NOS1AP: variants seen among roughly 807,000 people sequenced by gnomAD.
NOS1AP encodes carboxyl-terminal PDZ ligand of neuronal nitric oxide synthase protein.
In NOS1AP, 21 loss-of-function variants were observed where a neutral mutation model predicts 56.2. The ratio of observed to expected loss-of-function variants is 0.37; its 90% CI spans 0.26 to 0.54. NOS1AP has a LOEUF of 0.54. NOS1AP is among the 20% of genes least tolerant of loss of function. NOS1AP has a pLI of 0.84. For missense variants in NOS1AP, 522 were observed against 657.8 expected, an observed-to-expected ratio of 0.79 and a Z score of 2.26; for synonymous variants, 270 against 274.6, an observed-to-expected ratio of 0.98 and a Z score of 0.17.
intron 2 of NOS1AP, among the ~76,000 whole-genome samples, chr1:162,206,209 C>T (rs772286921): frequency 6.6e-6 from 1 of 151,790 alleles, no homozygotes; most frequent in Non-Finnish European, 1.5e-5. Flanking sequence ...CTCCAGGGAG[C>T]TCTGGAAAGG....
chr1:162,115,815 G>A (rs1647925022), intron 1 of NOS1AP, among the ~76,000 whole-genome samples: 1 of 152,186 alleles, frequency 6.6e-6, no homozygotes, highest in Non-Finnish European at 1.5e-5. Flanking sequence ...GGTGAGGTCA[G>A]TCTCTGAACA....
chr1:162,081,949 T>C (rs963233049), intron 1 of NOS1AP, among the ~76,000 whole-genome samples: 2 of 151,244 alleles, frequency 1.3e-5, no homozygotes, highest in Non-Finnish European at 3.0e-5. Context: ...AAACCTTTTA[T>C]TTTAAGCTCA....
chr1:162,113,991 A>G (rs1001951819), intron 1 of NOS1AP, among the ~76,000 whole-genome samples: 6 of 152,318 alleles, frequency 3.9e-5, no homozygotes, highest in Admixed American at 2.0e-4. Context: ...ATTTATACAG[A>G]AAAACACAAT....
chr1:162,344,701 G>C (rs1355025648), intron 6 of NOS1AP, among the ~76,000 whole-genome samples: 1 of 126,134 alleles, frequency 7.9e-6, no homozygotes, highest in Non-Finnish European at 1.6e-5. Context: ...ACAGAGCTAG[G>C]CTGCCTCAAA....
chr1:162,209,085 A>G (rs1652257757), intron 2 of NOS1AP, among the ~76,000 whole-genome samples: 1 of 152,246 alleles, frequency 6.6e-6, no homozygotes, highest in Non-Finnish European at 1.5e-5. Context: ...CAATTGATTA[A>G]AAGAATAAGC....
At chr1:162,280,321 G>A (rs1253225106) in intron 2 of NOS1AP, among the ~76,000 whole-genome samples, 6 of 152,164 alleles carry the variant, frequency 3.9e-5, no homozygotes, top group Non-Finnish European at 1.5e-5. Flanking sequence ...ACTTTCATAA[G>A]AATCTATCTT....
chr1:162,346,455 A>T (rs1557887023), intron 6 of NOS1AP, among the ~76,000 whole-genome samples: 1 of 152,226 alleles, frequency 6.6e-6, no homozygotes, highest in Non-Finnish European at 1.5e-5. Flanking sequence ...GGAAAAAAAT[A>T]GAATTGTGGG....
chr1:162,239,693 A>G (rs964299982), intron 2 of NOS1AP, among the ~76,000 whole-genome samples: 2 of 152,176 alleles, frequency 1.3e-5, no homozygotes, highest in Non-Finnish European at 2.9e-5. Flanking sequence ...GAGGAGTCAC[A>G]TATCACCAGC....
intron 2 of NOS1AP, among the ~76,000 whole-genome samples, chr1:162,250,132 A>C (rs974272072): frequency 6.6e-6 from 1 of 152,140 alleles, no homozygotes. Context: ...TTCCCCTTTC[A>C]GGGCTTATGC....
intron 1 of NOS1AP, among the ~76,000 whole-genome samples, chr1:162,125,555 G>A (rs1219380215): frequency 6.6e-6 from 1 of 152,044 alleles, no homozygotes; most frequent in Non-Finnish European, 1.5e-5. Context: ...GTATGTTTTT[G>A]TATGTTTTGT....
At chr1:162,311,424 C>T (rs1488298630) in intron 4 of NOS1AP, among the ~76,000 whole-genome samples, 1 of 152,102 alleles carries the variant, frequency 6.6e-6, no homozygotes, top group Non-Finnish European at 1.5e-5. Context: ...CTTAGTGAGT[C>T]TCAGTTAATA....
intron 2 of NOS1AP, among the ~76,000 whole-genome samples, chr1:162,184,322 A>C (rs1651358299): frequency 6.6e-6 from 1 of 152,214 alleles, no homozygotes; most frequent in Non-Finnish European, 1.5e-5. Flanking sequence ...TTATCATAAC[A>C]GAGATGATTA....
At chr1:162,297,710 A>G (rs1224950655) in intron 3 of NOS1AP, among the ~76,000 whole-genome samples, 5 of 151,654 alleles carry the variant, frequency 3.3e-5, no homozygotes, top group African/African-American at 9.7e-5. Flanking sequence ...GTTTAAAAAG[A>G]AAAAAAAACA....
At chr1:162,145,897 G>A (rs796400058) in intron 1 of NOS1AP, among the ~76,000 whole-genome samples, 1 of 152,206 alleles carries the variant, frequency 6.6e-6, no homozygotes, top group Non-Finnish European at 1.5e-5. Context: ...AAGGGAGAGA[G>A]TTTGGAAGAA....
intron 2 of NOS1AP, among the ~76,000 whole-genome samples, chr1:162,235,140 CT>C (rs11448599): frequency 1.6e-4 from 24 of 150,754 alleles, no homozygotes; most frequent in Admixed American, 3.3e-4. Flanking sequence ...CATTTTAAAA[CT>C]TTTTTTTTTA....
At position 162,344,035 on chromosome 1, in the gene NOS1AP, G is replaced by A. The variant is rs1054009849; in HGVS notation, c.595+59G>A. On this transcript the variant is annotated intron_variant, in intron 6 of 9. Transcript: ENST00000361897. ...AAGGCAGTGCACACAGTAGGCTCTG[G>A]TGGATCACTGCCCTGACCCCCAGGC... 5.7e-6 allele frequency: 9 copies of A among 1,583,328 alleles called. No homozygotes were observed. In the African/African-American group the frequency reaches 1.1e-4, roughly 19 times the overall value.
At position 162,150,417 on chromosome 1, in the gene NOS1AP, G is replaced by A. The variant is rs1649659643; in HGVS notation, c.106-3988G>A. ...AATCTTGGCTATTGTGAATAGTGCT[G>A]CAATAATCTGGGAGTGCAGATATCT... On this transcript the variant is annotated intron_variant, in intron 1 of 9. Coordinates refer to ENST00000361897, the MANE Select transcript of NOS1AP (RefSeq NM_014697.3). 5.3e-5 allele frequency among the ~76,000 whole-genome samples: 8 copies of A among 152,272 alleles called. No homozygotes were observed. In the South Asian group the frequency reaches 1.7e-3, roughly 32 times the overall value.
In NOS1AP at chr1:162,148,545, C is replaced by A. The variant is rs1649578804; in HGVS notation, c.106-5860C>A. On this transcript the variant is annotated intron_variant, in intron 1 of 9. Coordinates refer to ENST00000361897, the MANE Select transcript of NOS1AP (RefSeq NM_014697.3). ...CACAGGGAGGAACATGTGTAGATGC[C>A]CTTGAATGTGAGAAGATACGGTGTG... Among the ~76,000 whole-genome samples, 4 of 152,048 alleles carry A rather than the reference C, an allele frequency of 2.6e-5. No individual in the cohort carries two copies. In the South Asian group the frequency reaches 8.3e-4, roughly 32 times the overall value.
At chr1:162,340,595 AG>A in intron 5 of NOS1AP, among the ~76,000 whole-genome samples, 1 of 152,216 alleles carries the variant, frequency 6.6e-6, no homozygotes, top group Non-Finnish European at 1.5e-5. Flanking sequence ...GCACTGTGGT[AG>A]GTGCTATCAT....
Sources: gnomAD v4.1 joint callset for allele counts (sites outside exome capture counted in the v4.1 genomes callset) on GRCh38, gnomAD v4.1.1 for gene constraint, MANE v1.5 for transcripts, NCBI Gene and HGNC (gene_info 2026-07-23, HGNC 2026-07-21) for gene names.